Variants in ANK2 observed in about 807,000 individuals in gnomAD.
ANK2 encodes the protein ankyrin-2.
In ANK2, 83 loss-of-function variants were observed where a neutral mutation model predicts 360.5. That is an observed-to-expected ratio of 0.23 (90% CI 0.19 to 0.28). The LOEUF (loss-of-function observed/expected upper bound fraction) is 0.28. Among genes scored for constraint, ANK2 ranks in the 10% least tolerant of loss-of-function variants. The pLI, the probability that ANK2 is intolerant of heterozygous loss-of-function variation, is 1.00. For synonymous variants in ANK2, 1,740 were observed against 1,759.5 expected (o/e 0.99, Z 0.28); for missense variants, 4,201 against 4,795.7 (o/e 0.88, Z 3.66).
intron 4 of ANK2, among the ~76,000 whole-genome samples, chr4:113,230,321 C>T (rs1174682211): frequency 6.6e-6 from 1 of 152,066 alleles, no homozygotes; most frequent in Non-Finnish European, 1.5e-5. Context: ...AATAATGTTT[C>T]CACACTTATA....
At chr4:112,715,285 A>G in the ANK2 span, among the ~76,000 whole-genome samples, 3 of 152,046 alleles carry the variant, frequency 2.0e-5, no homozygotes, top group Non-Finnish European at 4.4e-5. Flanking sequence ...CTTAGAAATC[A>G]CAGGTTTCTT....
intron 1 of ANK2, chr4:112,827,171 T>C (rs542849367): frequency 4.2e-5 from 49 of 1,153,208 alleles, no homozygotes; most frequent in South Asian, 3.8e-4. Context: ...AATTACATCC[T>C]GTGTAGTGAT....
chr4:112,903,371 T>G (rs2084106998), intron 1 of ANK2, among the ~76,000 whole-genome samples: 1 of 152,188 alleles, frequency 6.6e-6, no homozygotes, highest in African/African-American at 2.4e-5. Context: ...GACTCAACAC[T>G]GAGATTTCTG....
intron 1 of ANK2, among the ~76,000 whole-genome samples, chr4:113,132,974 G>T (rs2096152220): frequency 6.6e-6 from 1 of 152,140 alleles, no homozygotes; most frequent in African/African-American, 2.4e-5. Context: ...CTTCATGGCA[G>T]CCCTCCAGCT....
chr4:113,246,893 T>C (rs574683382), intron 9 of ANK2, among the ~76,000 whole-genome samples: 2 of 152,220 alleles, frequency 1.3e-5, no homozygotes, highest in Admixed American at 1.3e-4. Context: ...ATTTGAGAAA[T>C]GAGACTACCA....
intron 2 of ANK2, among the ~76,000 whole-genome samples, chr4:113,033,570 A>G (rs1345368915): frequency 6.6e-6 from 1 of 152,006 alleles, no homozygotes; most frequent in Non-Finnish European, 1.5e-5. Flanking sequence ...TATTTCTCTT[A>G]TAATAGTTAC....
intron 1 of ANK2, among the ~76,000 whole-genome samples, chr4:113,054,818 T>A (rs561474937): frequency 2.0e-5 from 3 of 152,300 alleles, no homozygotes; most frequent in South Asian, 4.1e-4. Flanking sequence ...TAACCTGGTA[T>A]TCTGTGATTT....
At chr4:112,853,186 C>T (rs891164373) in intron 1 of ANK2, among the ~76,000 whole-genome samples, 11 of 152,014 alleles carry the variant, frequency 7.2e-5, no homozygotes, top group African/African-American at 7.2e-5. Flanking sequence ...CTCCTGCCTC[C>T]GCCTCCCAAG....
intron 2 of ANK2, among the ~76,000 whole-genome samples, chr4:112,952,124 CGTT>C (rs978811567): frequency 5.3e-5 from 8 of 152,166 alleles, no homozygotes; most frequent in African/African-American, 1.9e-4. Flanking sequence ...TTCCCACTAA[CGTT>C]GATGTCAATC....
At chr4:113,329,615 T>C (rs752656405) in intron 26 of ANK2, among the ~76,000 whole-genome samples, 1 of 152,196 alleles carries the variant, frequency 6.6e-6, no homozygotes, top group Non-Finnish European at 1.5e-5. Flanking sequence ...GCTGTTCATT[T>C]CAATTAGAAT....
At position 113,264,922 on chromosome 4, in the gene ANK2, C is replaced by T. The variant is rs1314025647; in HGVS notation, c.1412C>T (p.Ala471Val). 2 of 1,566,748 alleles carry T rather than the reference C, an allele frequency of 1.3e-6. No individual in the cohort carries two copies. Among genetic ancestry groups the T allele is most frequent in the South Asian group, 1.2e-5 (1 of 84,998 alleles). The change falls in exon 14 of 46, where the codon GCA (alanine) becomes GTA (valine). Residue 471 changes from alanine (A) to valine (V), a missense_variant. Coordinates refer to ENST00000357077, the MANE Select transcript of ANK2 (RefSeq NM_001148.6). ...CGTGGTGAGACGGCACTACACATGG[C>T]AGCCCGAGCCGGGCAGGTGGAAGTG... ...NIRGETALHM[A>V]ARAGQVEVVR...
At chr4:112,724,831 A>C in the ANK2 span, among the ~76,000 whole-genome samples, 1 of 152,212 alleles carries the variant, frequency 6.6e-6, no homozygotes, top group South Asian at 2.1e-4. Flanking sequence ...GGGTATATAC[A>C]CAGCAGAATT....
At chr4:113,064,823 G>GAGTTGAAATTT (rs1561813810) in intron 1 of ANK2, among the ~76,000 whole-genome samples, 1 of 16,366 alleles carries the variant, frequency 6.1e-5, no homozygotes, top group African/African-American at 1.6e-4. Context: ...AAAAATGTTA[G>GAGTTGAAATTT]AAAGTTCTGT....
At chr4:112,957,734 C>T (rs1292200967) in intron 2 of ANK2, among the ~76,000 whole-genome samples, 2 of 148,130 alleles carry the variant, frequency 1.4e-5, no homozygotes, top group Non-Finnish European at 3.0e-5. Context: ...GGCTGCCGGG[C>T]GGAGACGCTC....
chr4:113,355,491 G>A lies in ANK2; in HGVS notation c.6873G>A (p.Glu2291=). ...TTKDITGGSE[E]RGATVTEDSE... The stretch of plus-strand genomic sequence containing the variant: ...AAGACATTACTGGTGGCTCTGAAGA[G>A]CGAGGTGCCACAGTCACTGAGGACT... Residue 2291 remains glutamate, a synonymous_variant, in exon 38 of 46, where the codon GAG becomes GAA. Transcript: ENST00000357077. 3.7e-6 allele frequency: 6 copies of A among 1,614,074 alleles called. No homozygotes were observed. Among genetic ancestry groups the A allele is most frequent in the Non-Finnish European group, 5.1e-6 (6 of 1,180,000 alleles).
At chr4:112,773,411 C>T in the ANK2 span, among the ~76,000 whole-genome samples, 2 of 152,144 alleles carry the variant, frequency 1.3e-5, no homozygotes, top group African/African-American at 4.8e-5. Flanking sequence ...CATAAAAAAG[C>T]CAAAAACACG....
chr4:113,017,018 G>T (rs1561549874), intron 2 of ANK2, among the ~76,000 whole-genome samples: 1 of 152,130 alleles, frequency 6.6e-6, no homozygotes, highest in Admixed American at 6.5e-5. Flanking sequence ...TCATTTTTAT[G>T]CAGTATACAC....
At chr4:113,307,879 A>C (rs1389027587) in intron 23 of ANK2, among the ~76,000 whole-genome samples, 5 of 152,218 alleles carry the variant, frequency 3.3e-5, no homozygotes, top group African/African-American at 1.2e-4. Flanking sequence ...TTTTCACGAA[A>C]TTGCTTGGAA....
intron 22 of ANK2, among the ~76,000 whole-genome samples, chr4:113,301,590 C>T (rs1017662392): frequency 5.3e-5 from 8 of 152,092 alleles, no homozygotes; most frequent in African/African-American, 1.9e-4. Context: ...TTTCTCCTGT[C>T]CAACTAAAAT....
Sources: allele counts gnomAD v4.1 joint callset (sites outside exome capture counted in the v4.1 genomes callset), GRCh38; gene constraint gnomAD v4.1.1; transcripts MANE v1.5; gene names NCBI Gene and HGNC (gene_info 2026-07-23, HGNC 2026-07-21).